The following VMA21 variants were observed in gnomAD, a reference collection of about 807,000 sequenced individuals.
VMA21 encodes the protein vacuolar ATPase assembly integral membrane protein VMA21.
For missense variants in VMA21, 61 were observed against 80.6 expected (o/e 0.76, Z 0.93); for synonymous variants, 47 against 34.1 (o/e 1.38, Z -1.32).
rs1275914652 is a variant in VMA21 at position 151,403,680 on chromosome X, G to A, written c.103G>A (p.Ala35Thr). The A allele has an allele frequency of 8.3e-7, 1 of 1,210,643 alleles. No homozygotes were observed. The highest frequency in any genetic ancestry group is 2.2e-5 in the Admixed American group (1 of 46,094). Residue 35 changes from alanine to threonine, a missense_variant, in exon 2 of 3, where the codon GCT (alanine) becomes ACT (threonine). By Grantham distance (58) the Ala-to-Thr change is moderately conservative. Coordinates refer to ENST00000330374, the MANE Select transcript of VMA21 (RefSeq NM_001017980.4). ...STLKTLLFFTALMITVPIGLY... is the reference protein window; with the variant it reads ...STLKTLLFFTTLMITVPIGLY... The stretch of plus-strand genomic sequence containing the variant: ...ACTGAAGACGCTCCTGTTCTTCACA[G>A]CTTTAATGATCACTGTTCCTATTGG...
intron 1 of VMA21, among the ~76,000 whole-genome samples, chrX:151,400,909 G>C (rs2011232089): frequency 8.9e-6 from 1 of 112,430 alleles, no homozygotes; most frequent in African/African-American, 3.2e-5. Context: ...TGAGTTGTAA[G>C]AGTTCTTTAT....
Position 151,397,376 on chromosome X carries a change from G to T in VMA21, c.53+15G>T. ...CCTGAGTTCAGGTAGCCCTGAGCGG[G>T]GCCTGGACCGCGAGGCGGACTGGCC... On this transcript the variant is annotated intron_variant, in intron 1 of 2. Transcript: ENST00000330374. The T allele has an allele frequency of 1.7e-6, 2 of 1,159,927 alleles. No individual in the cohort carries two copies. The highest frequency in any genetic ancestry group is 1.9e-5 in the South Asian group (1 of 52,619).
intron 2 of VMA21, 127 bp downstream of exon 2, chrX:151,403,867 T>C (rs990040754): frequency 2.0e-6 from 1 of 493,621 alleles, no homozygotes; most frequent in Admixed American, 3.1e-5. Context: ...AAAAATCATA[T>C]TGCTCATAAT....
intron 2 of VMA21, 70 bp downstream of exon 2, chrX:151,403,810 A>G: frequency 1.3e-6 from 1 of 786,353 alleles, no homozygotes; most frequent in Non-Finnish European, 1.9e-6. Flanking sequence ...TGACCTCTTT[A>G]TATCTTTAAA....
At position 151,409,342 on chromosome X, in the gene VMA21, TAA is replaced by T. The variant is rs1298296891; in HGVS notation, c.*4290_*4291del. 3 of 111,931 alleles carry T rather than the reference TAA, an allele frequency of 2.7e-5. No individual in the cohort carries two copies. The highest frequency in any genetic ancestry group is 5.6e-5 in the Non-Finnish European group (3 of 53,261). The allele number at this position is 111,931 out of a possible 1,213,427, so 9.2% of individuals were successfully genotyped here. On this transcript the variant is annotated 3_prime_UTR_variant, in exon 3 of 3. Coordinates refer to ENST00000330374, the MANE Select transcript of VMA21 (RefSeq NM_001017980.4). ...GTATAAATGTACCATCTGATGTCAT[TAA>T]AAAAAGTGTTTGTAGTGCTACTTTG...
chrX:151,400,215 A>G (rs1314586314), intron 1 of VMA21, among the ~76,000 whole-genome samples: 5 of 98,381 alleles, frequency 5.1e-5, no homozygotes, highest in African/African-American at 1.9e-4. Context: ...CCCCACCGCC[A>G]TGGTAACTAC....
intron 1 of VMA21, 104 bp downstream of exon 1, chrX:151,397,465 C>G (rs979332623): frequency 1.1e-6 from 1 of 910,416 alleles, no homozygotes; most frequent in African/African-American, 2.0e-5. Flanking sequence ...GTCTGGACCC[C>G]GGGGACCTGG....
rs756439092 is a variant in VMA21, at chrX:151,405,365, T to TA, written c.*308dup. ...AAACATGTTTTATAGTATTCTGACT[T>TA]ACGGTTGCTTTTGAGTTTTACTCAT... is the stretch of plus-strand genomic sequence containing the variant. On this transcript the variant is annotated 3_prime_UTR_variant, in exon 3 of 3. Coordinates refer to ENST00000330374, the MANE Select transcript of VMA21 (RefSeq NM_001017980.4). 1.2e-4 allele frequency: 24 copies of TA among 204,953 alleles called. No individual in the cohort carries two copies. The highest frequency in any genetic ancestry group is 7.2e-4 in the African/African-American group (24 of 33,310). 16.9% of individuals were successfully genotyped at this position (204,953 alleles called of 1,213,427 possible).
upstream of VMA21, chrX:151,397,195 C>T (rs369991): frequency 1.1e-4 from 101 of 886,504 alleles, no homozygotes; most frequent in South Asian, 1.1e-3. Context: ...GCACTTCCGG[C>T]GCGAACCGCT....
chrX:151,404,076 ATT>A (rs34226325), intron 2 of VMA21, among the ~76,000 whole-genome samples: 1,006 of 98,550 alleles, frequency 0.01, 6 homozygotes, highest in Middle Eastern at 0.016. Flanking sequence ...TGATGTTGAA[ATT>A]TTTTTTTTTT....
At position 151,406,529 on chromosome X, in the gene VMA21, C is replaced by T. The variant is rs977572169; in HGVS notation, c.*1471C>T. ...TAGCTGGGACTACGGATGCCTGCCACCACGCCTGGCTAATTTTTTTTTGTA... is the reference window on the plus strand; with the variant it reads ...TAGCTGGGACTACGGATGCCTGCCATCACGCCTGGCTAATTTTTTTTTGTA... On this transcript the variant is annotated 3_prime_UTR_variant, in exon 3 of 3. Coordinates refer to ENST00000330374, the MANE Select transcript of VMA21 (RefSeq NM_001017980.4). 4 of 110,634 alleles carry T rather than the reference C, an allele frequency of 3.6e-5. No individual in the cohort carries two copies. The highest frequency in any genetic ancestry group is 1.3e-4 in the African/African-American group (4 of 30,374). 9.1% of individuals were successfully genotyped at this position (110,634 alleles called of 1,213,427 possible).
chrX:151,404,621 G>A (rs908149960), intron 2 of VMA21, among the ~76,000 whole-genome samples: 1 of 108,109 alleles, frequency 9.2e-6, no homozygotes, highest in Non-Finnish European at 1.9e-5. Context: ...GGGGTTTCAC[G>A]GTGCTAGCCA....
At chrX:151,403,591 T>C (rs2011255945) in intron 1 of VMA21, 40 bp from the exon 2 acceptor site, 2 of 994,031 alleles carry the variant, frequency 2.0e-6, no homozygotes, top group Admixed American at 4.4e-5. Context: ...TGGATATGAC[T>C]GTGCAGGTTC....
Position 151,407,826 on chromosome X carries a change from AT to A in VMA21, c.*2769del, listed in dbSNP as rs2011310337. ...AAAAAATTTAAACCTGCCATTAAAA[AT>A]CCCCATGTTTCATGGAAATCTAACA... On this transcript the variant is annotated 3_prime_UTR_variant, in exon 3 of 3. Coordinates refer to ENST00000330374, the MANE Select transcript of VMA21 (RefSeq NM_001017980.4). The A allele has an allele frequency of 8.9e-6, 1 of 112,284 alleles. No homozygotes were observed. Among genetic ancestry groups the A allele is most frequent in the Admixed American group, 9.4e-5 (1 of 10,599 alleles). The allele number at this position is 112,284 out of a possible 1,213,427, so 9.3% of individuals were successfully genotyped here. A position where few individuals can be genotyped will look rare whatever the true frequency, so the allele number is the denominator to read the frequency against.
In VMA21 at chrX:151,397,269, C is replaced by T. The variant is rs762446240; in HGVS notation, c.-40C>T. The stretch of plus-strand genomic sequence containing the variant: ...GCTTACTGAGCGCGGCCGCCGAGCC[C>T]AGCTCCGCCGCCGAGCGCCTGTGCC... On this transcript the variant is annotated 5_prime_UTR_variant, in exon 1 of 3. Coordinates refer to ENST00000330374, the MANE Select transcript of VMA21 (RefSeq NM_001017980.4). 1.7e-6 allele frequency: 2 copies of T among 1,150,679 alleles called. No individual in the cohort carries two copies. The highest frequency in any genetic ancestry group is 1.9e-5 in the South Asian group (1 of 52,061). 94.8% of individuals were successfully genotyped at this position (1,150,679 alleles called of 1,213,427 possible).
chrX:151,398,199 T>TTA (rs1273633124), intron 1 of VMA21, among the ~76,000 whole-genome samples: 1 of 107,194 alleles, frequency 9.3e-6, no homozygotes, highest in African/African-American at 3.4e-5. Flanking sequence ...TTTTTTTTTT[T>TTA]AACTTTTATT....
At chrX:151,398,941 C>A (rs1406554897) in intron 1 of VMA21, among the ~76,000 whole-genome samples, 1 of 112,383 alleles carries the variant, frequency 8.9e-6, no homozygotes, top group African/African-American at 3.2e-5. Flanking sequence ...TCAGTAACAC[C>A]CAAAGATACA....
Position 151,408,735 on chromosome X carries a change from C to G in VMA21, c.*3677C>G, listed in dbSNP as rs2011322103. ...AATTATTTTCAGGGACTTTGGGAATCTAATGATAAATATTACACATAATCT... is the reference window on the plus strand; with the variant it reads ...AATTATTTTCAGGGACTTTGGGAATGTAATGATAAATATTACACATAATCT... On this transcript the variant is annotated 3_prime_UTR_variant, in exon 3 of 3. Coordinates refer to ENST00000330374, the MANE Select transcript of VMA21 (RefSeq NM_001017980.4). The G allele has an allele frequency of 8.9e-6, 1 of 112,685 alleles. No homozygotes were observed. Among genetic ancestry groups the G allele is most frequent in the Non-Finnish European group, 1.9e-5 (1 of 53,346 alleles). The allele number at this position is 112,685 out of a possible 1,213,427, so 9.3% of individuals were successfully genotyped here.
At chrX:151,401,610 C>T (rs2011237339) in intron 1 of VMA21, among the ~76,000 whole-genome samples, 1 of 112,039 alleles carries the variant, frequency 8.9e-6, no homozygotes. Flanking sequence ...GTGCTGTAGA[C>T]ATTTCAACAG....
Sources: gnomAD v4.1 joint callset for allele counts (sites outside exome capture counted in the v4.1 genomes callset) on GRCh38, gnomAD v4.1.1 for gene constraint, MANE v1.5 for transcripts, NCBI Gene and HGNC (gene_info 2026-07-23, HGNC 2026-07-21) for gene names.